The following ZNF148 variants were observed in gnomAD, a reference collection of about 807,000 sequenced individuals.
The protein encoded by ZNF148 is zinc finger protein 148, also known as Beta-Enolase Repressor Factor-1.
ZNF148 carries 7 observed loss-of-function variants against 67.7 expected under a neutral mutation model. The ratio of observed to expected loss-of-function variants is 0.10; its 90% CI spans 0.06 to 0.19. The LOEUF (loss-of-function observed/expected upper bound fraction) is 0.19. Among genes scored for constraint, ZNF148 ranks in the 10% least tolerant of loss-of-function variants. The probability of loss-of-function intolerance (pLI) is 1.00; values close to 1 mark genes in which losing one functional copy is unlikely to be tolerated. For missense variants in ZNF148, 583 were observed against 947.1 expected, an observed-to-expected ratio of 0.62 and a Z score of 5.05; for synonymous variants, 333 against 330.7, an observed-to-expected ratio of 1.01 and a Z score of -0.08.
At chr3:125,284,569 A>G (rs1938559068) in intron 5 of ZNF148, among the ~76,000 whole-genome samples, 1 of 152,164 alleles carries the variant, frequency 6.6e-6, no homozygotes. Context: ...CAACTGCAAT[A>G]CGCAATTTTA....
intron 1 of ZNF148, among the ~76,000 whole-genome samples, chr3:125,338,129 C>A (rs1941570181): frequency 6.6e-6 from 1 of 151,908 alleles, no homozygotes; most frequent in South Asian, 2.1e-4. Flanking sequence ...AGCCATCAAC[C>A]AGATCCTCCA....
At chr3:125,276,400 A>G (rs914307552) in intron 7 of ZNF148, among the ~76,000 whole-genome samples, 8 of 151,964 alleles carry the variant, frequency 5.3e-5, no homozygotes, top group African/African-American at 1.9e-4. Flanking sequence ...CATGTTGCAC[A>G]GTTAAAGTTT....
At chr3:125,366,100 T>A (rs974586659) in intron 1 of ZNF148, among the ~76,000 whole-genome samples, 1 of 152,176 alleles carries the variant, frequency 6.6e-6, no homozygotes, top group African/African-American at 2.4e-5. Context: ...AATTCTCTAC[T>A]CAGAAAAGTT....
In ZNF148 at chr3:125,226,120, T is replaced by C. The variant is rs1051920522; in HGVS notation, c.*6221A>G. The C allele has an allele frequency of 8.5e-5, 13 of 152,650 alleles. No individual in the cohort carries two copies. The highest frequency in any genetic ancestry group is 1.6e-4 in the Non-Finnish European group (11 of 68,026). 9.5% of individuals were successfully genotyped at this position (152,650 alleles called of 1,614,324 possible). A position where few individuals can be genotyped will look rare whatever the true frequency, so the allele number is the denominator to read the frequency against. On this transcript the variant is annotated 3_prime_UTR_variant, in exon 9 of 9. Transcript: ENST00000360647. The stretch of plus-strand genomic sequence containing the variant: ...AAGAACACATATTTTCTTCGCTCTA[T>C]GATAAACACGTTTCAAGTCTAAAAT...
At chr3:125,322,022 A>G (rs1308193356) in intron 3 of ZNF148, among the ~76,000 whole-genome samples, 1 of 143,224 alleles carries the variant, frequency 7.0e-6, no homozygotes, top group Admixed American at 7.5e-5. Context: ...TTAAATAATC[A>G]ACGGCTTTTT....
chr3:125,353,362 C>T (rs1455041355), intron 1 of ZNF148, among the ~76,000 whole-genome samples: 1 of 151,814 alleles, frequency 6.6e-6, no homozygotes, highest in African/African-American at 2.4e-5. Context: ...GGATCTTGGT[C>T]TTGGTGGTAG....
chr3:125,307,919 T>C (rs1008250398), intron 4 of ZNF148, among the ~76,000 whole-genome samples: 4 of 151,628 alleles, frequency 2.6e-5, no homozygotes, highest in Non-Finnish European at 5.9e-5. Flanking sequence ...CCCCCTAAAG[T>C]GCTGAGATTA....
chr3:125,355,022 T>C (rs953813760), intron 1 of ZNF148, among the ~76,000 whole-genome samples: 2 of 152,212 alleles, frequency 1.3e-5, no homozygotes, highest in Admixed American at 1.3e-4. Flanking sequence ...ACCTGAGCTC[T>C]GCATTATCTG....
chr3:125,249,239 T>TG (rs1936731478), intron 7 of ZNF148, among the ~76,000 whole-genome samples: 1 of 151,972 alleles, frequency 6.6e-6, no homozygotes, highest in Admixed American at 6.6e-5. Context: ...ACCTATGGAA[T>TG]GGGAAAAAAC....
chr3:125,355,287 A>G (rs1381489376), intron 1 of ZNF148, among the ~76,000 whole-genome samples: 1 of 152,220 alleles, frequency 6.6e-6, no homozygotes, highest in Admixed American at 6.5e-5. Context: ...GTTATTCTCA[A>G]TACATCAGAT....
At chr3:125,255,118 G>C (rs946320168) in intron 7 of ZNF148, among the ~76,000 whole-genome samples, 1 of 151,202 alleles carries the variant, frequency 6.6e-6, no homozygotes, top group African/African-American at 2.4e-5. Flanking sequence ...TTTGCTATTG[G>C]TGTTACACAT....
At chr3:125,289,980 C>T (rs1336162357) in intron 4 of ZNF148, among the ~76,000 whole-genome samples, 1 of 152,082 alleles carries the variant, frequency 6.6e-6, no homozygotes, top group Non-Finnish European at 1.5e-5. Context: ...TACCCTCATG[C>T]TTATTTGCAG....
chr3:125,285,852 C>A (rs1440703767), intron 5 of ZNF148, among the ~76,000 whole-genome samples: 1 of 152,138 alleles, frequency 6.6e-6, no homozygotes, highest in East Asian at 1.9e-4. Context: ...TATATAAATA[C>A]TTAAATAATA....
chr3:125,302,879 G>A (rs1939670084), intron 4 of ZNF148, among the ~76,000 whole-genome samples: 1 of 152,206 alleles, frequency 6.6e-6, no homozygotes, highest in Admixed American at 6.5e-5. Flanking sequence ...TTCTAGAGAT[G>A]AATACCTATA....
intron 5 of ZNF148, among the ~76,000 whole-genome samples, chr3:125,279,562 T>C (rs1475374417): frequency 1.3e-5 from 2 of 152,140 alleles, no homozygotes; most frequent in Non-Finnish European, 2.9e-5. Flanking sequence ...AACACAGGTA[T>C]ATTTTCAATT....
At chr3:125,253,136 A>T (rs1936918494) in intron 7 of ZNF148, among the ~76,000 whole-genome samples, 1 of 152,198 alleles carries the variant, frequency 6.6e-6, no homozygotes, top group Non-Finnish European at 1.5e-5. Context: ...TCTCATAATC[A>T]ATGAATACAT....
At chr3:125,289,341 T>C (rs766138006) in intron 4 of ZNF148, among the ~76,000 whole-genome samples, 14 of 152,018 alleles carry the variant, frequency 9.2e-5, no homozygotes, top group Admixed American at 4.6e-4. Context: ...ACTGACAAAA[T>C]AAAAAGTGGA....
chr3:125,250,609 T>C (rs9857356), intron 7 of ZNF148, among the ~76,000 whole-genome samples: 117,417 of 152,196 alleles, frequency 0.77, 45,844 homozygotes, highest in African/African-American at 0.85. Flanking sequence ...GTCATTAATT[T>C]ATTTAGCAAG....
chr3:125,305,843 CCTAA>C (rs1939850497), intron 4 of ZNF148, among the ~76,000 whole-genome samples: 2 of 150,876 alleles, frequency 1.3e-5, no homozygotes, highest in African/African-American at 4.9e-5. Flanking sequence ...AACAACTTGA[CCTAA>C]CTGACATTTA....
Sources: gnomAD v4.1 joint callset for allele counts (sites outside exome capture counted in the v4.1 genomes callset) on GRCh38, gnomAD v4.1.1 for gene constraint, MANE v1.5 for transcripts, NCBI Gene and HGNC (gene_info 2026-07-23, HGNC 2026-07-21) for gene names.